Variants in XKR6 observed in about 807,000 individuals in gnomAD.
XKR6 encodes the protein XK-related protein 6.
In XKR6, 22 loss-of-function variants were observed where a neutral mutation model predicts 56.7. That is an observed-to-expected ratio of 0.39 (90% CI 0.28 to 0.55). XKR6 has a LOEUF of 0.55. Among genes scored for constraint, XKR6 ranks in the 20% least tolerant of loss-of-function variants. XKR6 has a pLI of 0.66. For missense variants in XKR6, 852 were observed against 889.0 expected (o/e 0.96, Z 0.53); for synonymous variants, 524 against 387.8 (o/e 1.35, Z -4.13).
rs138365092 is a variant in XKR6, at chr8:11,086,133, A to AATATAT, written c.764+114437_764+114442dup. 1.2e-3 allele frequency among the ~76,000 whole-genome samples: 105 copies of AATATAT among 90,100 alleles called. 1 individual carries two copies. Among genetic ancestry groups the AATATAT allele is most frequent in the Middle Eastern group, 6.3e-3 (1 of 160 alleles). The allele number at this position is 90,100 out of a possible 152,430, so 59.1% of individuals were successfully genotyped here. A position where few individuals can be genotyped will look rare whatever the true frequency, so the allele number is the denominator to read the frequency against. Reference sequence around the variant, plus strand: ...CTCAATTGTGTTTTTTTAAAAAGAAAATATATATATATATATTTTTTTTTA... The same window carrying AATATAT: ...CTCAATTGTGTTTTTTTAAAAAGAAAATATATATATATATATATATATTTTTTTTTA... On this transcript the variant is annotated intron_variant, in intron 1 of 2. Transcript: ENST00000416569.
At chr8:11,018,967 G>T (rs1798688033) in intron 1 of XKR6, among the ~76,000 whole-genome samples, 1 of 152,074 alleles carries the variant, frequency 6.6e-6, no homozygotes, top group Admixed American at 6.5e-5. Flanking sequence ...CTCTGCCTGG[G>T]CCACCCTAGC....
intron 1 of XKR6, chr8:11,195,155 G>A (rs771136873): frequency 1.4e-6 from 1 of 703,246 alleles, no homozygotes; most frequent in Admixed American, 2.0e-5. Flanking sequence ...AAGAAACCAG[G>A]TGAGGCAACT....
intron 1 of XKR6, among the ~76,000 whole-genome samples, chr8:11,158,633 A>C (rs1007037514): frequency 1.3e-5 from 2 of 151,916 alleles, no homozygotes; most frequent in African/African-American, 4.8e-5. Flanking sequence ...CATCAATAGC[A>C]AAAAAACAAA....
chr8:11,149,339 T>G (rs749236610), intron 1 of XKR6, among the ~76,000 whole-genome samples: 1 of 152,202 alleles, frequency 6.6e-6, no homozygotes, highest in Non-Finnish European at 1.5e-5. Context: ...TGGTAAGTAT[T>G]TGTTTAACTA....
intron 1 of XKR6, among the ~76,000 whole-genome samples, chr8:11,107,170 G>T (rs1049034164): frequency 6.6e-6 from 1 of 151,338 alleles, no homozygotes; most frequent in Non-Finnish European, 1.5e-5. Context: ...GCAAAGAAAA[G>T]CAACACGGAT....
intron 1 of XKR6, among the ~76,000 whole-genome samples, chr8:11,051,609 C>A (rs1312772107): frequency 1.3e-5 from 2 of 152,188 alleles, no homozygotes; most frequent in Admixed American, 6.5e-5. Context: ...ATCCTTCTTA[C>A]CCCACCTGCA....
chr8:11,150,361 C>T (rs570972169), intron 1 of XKR6, among the ~76,000 whole-genome samples: 13 of 152,268 alleles, frequency 8.5e-5, no homozygotes, highest in African/African-American at 3.1e-4. Flanking sequence ...TGTAAAATAT[C>T]ATGTATCAAT....
intron 1 of XKR6, among the ~76,000 whole-genome samples, chr8:11,028,180 C>G (rs763766890): frequency 1.3e-5 from 2 of 152,130 alleles, no homozygotes; most frequent in Non-Finnish European, 2.9e-5. Context: ...ATAGTTTTGC[C>G]TTTCCAGAAT....
At chr8:11,044,400 G>T (rs1455119879) in intron 1 of XKR6, among the ~76,000 whole-genome samples, 1 of 152,058 alleles carries the variant, frequency 6.6e-6, no homozygotes, top group Non-Finnish European at 1.5e-5. Context: ...CCTTGCTTTT[G>T]GTTTTCAACC....
Position 11,118,876 on chromosome 8 carries a change from C to T in XKR6, c.764+81700G>A, listed in dbSNP as rs183451333. Among the ~76,000 whole-genome samples, 7 of 152,248 alleles carry T rather than the reference C, an allele frequency of 4.6e-5. No homozygotes were observed. The East Asian group carries it at 1.4e-3, about 29-fold the overall frequency. On this transcript the variant is annotated intron_variant, in intron 1 of 2. Transcript: ENST00000416569. ...CTTTTGAATGTGTTTGCTCTTGCTT[C>T]TCTAGATCTTTTAATTGTGATGTTA... is the stretch of plus-strand genomic sequence containing the variant.
chr8:11,014,410 T>TC (rs1798570630), intron 1 of XKR6, among the ~76,000 whole-genome samples: 1 of 152,266 alleles, frequency 6.6e-6, no homozygotes, highest in East Asian at 1.9e-4. Context: ...GAATGATCCT[T>TC]CCGTAAAGGC....
At chr8:11,097,360 T>C (rs1260070294) in intron 1 of XKR6, among the ~76,000 whole-genome samples, 1 of 152,176 alleles carries the variant, frequency 6.6e-6, no homozygotes, top group Non-Finnish European at 1.5e-5. Flanking sequence ...CCACGAGAAG[T>C]TAGAAAACTT....
chr8:11,011,825 T>C (rs1434565936), intron 1 of XKR6, among the ~76,000 whole-genome samples: 1 of 152,184 alleles, frequency 6.6e-6, no homozygotes, highest in African/African-American at 2.4e-5. Flanking sequence ...AGCTGGGACT[T>C]GCTTCTGGGT....
At chr8:10,995,445 T>C (rs980856492) in intron 1 of XKR6, among the ~76,000 whole-genome samples, 1 of 147,514 alleles carries the variant, frequency 6.8e-6, no homozygotes, top group African/African-American at 2.5e-5. Flanking sequence ...ACCCTATATC[T>C]AATATATATA....
intron 1 of XKR6, among the ~76,000 whole-genome samples, chr8:10,958,612 G>C (rs960054781): frequency 1.3e-5 from 2 of 152,196 alleles, no homozygotes; most frequent in Admixed American, 1.3e-4. Flanking sequence ...TGATCACCAT[G>C]GGAGCCAATA....
At chr8:11,197,679 T>C (rs771529986) in intron 1 of XKR6, among the ~76,000 whole-genome samples, 11 of 152,230 alleles carry the variant, frequency 7.2e-5, no homozygotes, top group Admixed American at 2.0e-4. Context: ...AGCAGGTTCA[T>C]GGGGCCACAT....
At chr8:11,060,279 G>C (rs1021885535) in intron 1 of XKR6, among the ~76,000 whole-genome samples, 25 of 152,128 alleles carry the variant, frequency 1.6e-4, no homozygotes, top group African/African-American at 5.6e-4. Flanking sequence ...GGAGGAGACA[G>C]CCAGCAGCAG....
At chr8:11,062,429 T>G (rs933194052) in intron 1 of XKR6, among the ~76,000 whole-genome samples, 5 of 152,136 alleles carry the variant, frequency 3.3e-5, no homozygotes, top group African/African-American at 7.2e-5. Flanking sequence ...ACTCTCCTTA[T>G]CTCCCTAGTA....
chr8:11,028,759 T>A (rs1329963924), intron 1 of XKR6, among the ~76,000 whole-genome samples: 2 of 152,012 alleles, frequency 1.3e-5, no homozygotes, highest in African/African-American at 4.8e-5. Flanking sequence ...TGGGCAGAGG[T>A]CTTTCCATAT....
Sources: allele counts gnomAD v4.1 joint callset (sites outside exome capture counted in the v4.1 genomes callset), GRCh38; gene constraint gnomAD v4.1.1; transcripts MANE v1.5; gene names NCBI Gene and HGNC (gene_info 2026-07-23, HGNC 2026-07-21).